Variants in ZC3H12B observed in about 807,000 individuals in gnomAD.
The protein encoded by ZC3H12B is probable ribonuclease ZC3H12B.
A neutral mutation model predicts 43.9 loss-of-function variants in ZC3H12B; 7 were observed. That is an observed-to-expected ratio of 0.16 (90% CI 0.09 to 0.30). The LOEUF (loss-of-function observed/expected upper bound fraction) is 0.30. Ranked by LOEUF, ZC3H12B falls within the 10% of genes least tolerant of loss-of-function variation. The pLI, the probability that ZC3H12B is intolerant of heterozygous loss-of-function variation, is 1.00. For missense variants in ZC3H12B, 475 were observed against 670.2 expected, an observed-to-expected ratio of 0.71 and a Z score of 3.22; for synonymous variants, 222 against 241.7, an observed-to-expected ratio of 0.92 and a Z score of 0.76.
At chrX:65,256,622 A>G in the ZC3H12B span, among the ~76,000 whole-genome samples, 2 of 111,649 alleles carry the variant, frequency 1.8e-5, no homozygotes, top group African/African-American at 6.5e-5. Context: ...CATTTCACCT[A>G]GAGGACCTAG....
the ZC3H12B span, among the ~76,000 whole-genome samples, chrX:65,165,441 G>A: frequency 2.7e-5 from 3 of 111,656 alleles, no homozygotes; most frequent in Admixed American, 9.5e-5. Context: ...GCCCCACACT[G>A]CCGAAAGGCC....
the ZC3H12B span, among the ~76,000 whole-genome samples, chrX:65,195,314 C>A: frequency 9.0e-6 from 1 of 111,360 alleles, no homozygotes; most frequent in African/African-American, 3.3e-5. Flanking sequence ...TTACTTTTTA[C>A]ATTTTGCATA....
the ZC3H12B span, among the ~76,000 whole-genome samples, chrX:65,213,409 T>G: frequency 9.0e-6 from 1 of 111,411 alleles, no homozygotes; most frequent in African/African-American, 3.3e-5. Flanking sequence ...CATAACGGGA[T>G]CACTTGGCTC....
chrX:65,491,832 G>A (rs1260236451), intron 1 of ZC3H12B, among the ~76,000 whole-genome samples: 1 of 109,247 alleles, frequency 9.2e-6, no homozygotes, highest in Admixed American at 1.0e-4. Context: ...ACGTAAAGCA[G>A]GCTAGACAGC....
At chrX:65,130,912 TG>T in the ZC3H12B span, among the ~76,000 whole-genome samples, 1 of 112,065 alleles carries the variant, frequency 8.9e-6, no homozygotes, top group Non-Finnish European at 1.9e-5. Context: ...TGGGATCTGA[TG>T]CCTTTTGATG....
At chrX:65,389,792 C>T in intron 2 of ZC3H12B, among the ~76,000 whole-genome samples, 1 of 112,369 alleles carries the variant, frequency 8.9e-6, no homozygotes, top group Non-Finnish European at 1.9e-5. Flanking sequence ...AATAGGAATG[C>T]TTTTACACTG....
At chrX:65,237,692 T>A in the ZC3H12B span, among the ~76,000 whole-genome samples, 3 of 111,420 alleles carry the variant, frequency 2.7e-5, no homozygotes, top group African/African-American at 9.8e-5. Context: ...TGATATTGGC[T>A]GTGGGTTTCT....
the ZC3H12B span, among the ~76,000 whole-genome samples, chrX:65,195,890 C>A: frequency 8.9e-6 from 1 of 112,096 alleles, no homozygotes; most frequent in Admixed American, 9.5e-5. Flanking sequence ...TGGAACCTGG[C>A]CTTTAATCTT....
the ZC3H12B span, among the ~76,000 whole-genome samples, chrX:65,324,382 T>A: frequency 1.8e-5 from 2 of 111,511 alleles, no homozygotes; most frequent in African/African-American, 6.5e-5. Context: ...TTCTATTCCA[T>A]TGAGGCATAA....
chrX:65,207,021 G>A, the ZC3H12B span, among the ~76,000 whole-genome samples: 3 of 109,371 alleles, frequency 2.7e-5, no homozygotes, highest in Non-Finnish European at 5.7e-5. Context: ...ATATTGGTGT[G>A]GATGTGGTGA....
the ZC3H12B span, among the ~76,000 whole-genome samples, chrX:65,360,358 C>G: frequency 3.6e-5 from 4 of 111,532 alleles, no homozygotes; most frequent in African/African-American, 1.3e-4. Flanking sequence ...TGTGAAAATT[C>G]AACAATAAGA....
At chrX:65,137,382 A>T in the ZC3H12B span, among the ~76,000 whole-genome samples, 36 of 112,137 alleles carry the variant, frequency 3.2e-4, no homozygotes, top group South Asian at 0.011. Flanking sequence ...TGTTTGAGAG[A>T]CACTTTCTAA....
chrX:65,243,996 G>A, the ZC3H12B span, among the ~76,000 whole-genome samples: 4 of 111,220 alleles, frequency 3.6e-5, no homozygotes, highest in Non-Finnish European at 7.6e-5. Flanking sequence ...GAGTTATAAA[G>A]AAAAATTTGT....
At chrX:65,361,014 A>T in the ZC3H12B span, among the ~76,000 whole-genome samples, 59 of 112,486 alleles carry the variant, frequency 5.2e-4, 1 homozygote, top group East Asian at 0.016. Flanking sequence ...AGGTAAATAT[A>T]TGGAATTATT....
chrX:65,211,897 AAT>A, the ZC3H12B span, among the ~76,000 whole-genome samples: 14 of 76,287 alleles, frequency 1.8e-4, no homozygotes, highest in East Asian at 2.0e-3. Context: ...TATACTATAT[AAT>A]ATATATGTTA....
At chrX:65,127,950 A>T in the ZC3H12B span, among the ~76,000 whole-genome samples, 1 of 111,663 alleles carries the variant, frequency 9.0e-6, no homozygotes, top group Middle Eastern at 4.2e-3. Context: ...CCAGACCACG[A>T]GCCTCCTCGT....
chrX:65,225,992 A>G, the ZC3H12B span, among the ~76,000 whole-genome samples: 4 of 111,906 alleles, frequency 3.6e-5, no homozygotes, highest in African/African-American at 9.7e-5. Flanking sequence ...CTAGCAAGGA[A>G]GGCCAACATT....
the ZC3H12B span, among the ~76,000 whole-genome samples, chrX:65,331,907 G>A: frequency 1.7e-4 from 19 of 111,452 alleles, no homozygotes; most frequent in African/African-American, 6.2e-4. Flanking sequence ...ATAATGAGCA[G>A]TAAGGATGAC....
chrX:65,193,193 C>T, the ZC3H12B span, among the ~76,000 whole-genome samples: 1 of 107,847 alleles, frequency 9.3e-6, no homozygotes, highest in Admixed American at 1.0e-4. Flanking sequence ...GTATGGAAGT[C>T]TTCCTTCCTC....
Sources: allele counts gnomAD v4.1 joint callset (sites outside exome capture counted in the v4.1 genomes callset), GRCh38; gene constraint gnomAD v4.1.1; transcripts MANE v1.5; gene names NCBI Gene and HGNC (gene_info 2026-07-23, HGNC 2026-07-21).